The following COL21A1 variants were observed in gnomAD, a reference collection of about 807,000 sequenced individuals.
COL21A1 encodes the protein collagen type XXI alpha 1 chain, also known as collagen alpha-1(XXI) chain.
COL21A1 carries 149 observed loss-of-function variants against 137.9 expected under a neutral mutation model. That is an observed-to-expected ratio of 1.08 (90% CI 0.95 to 1.24). The LOEUF (loss-of-function observed/expected upper bound fraction) is 1.24, where lower values mean the gene tolerates loss of function less well. Among genes scored for constraint, COL21A1 ranks in the 50% most tolerant of loss-of-function variants. The pLI is 0.00. For synonymous variants in COL21A1, 456 were observed against 391.5 expected, an observed-to-expected ratio of 1.16 and a Z score of -1.95; for missense variants, 1,167 against 1,158.4, an observed-to-expected ratio of 1.01 and a Z score of -0.11.
At chr6:56,247,057 G>A (rs564961227) in intron 1 of COL21A1, among the ~76,000 whole-genome samples, 1 of 152,324 alleles carries the variant, frequency 6.6e-6, no homozygotes, top group East Asian at 1.9e-4. Flanking sequence ...CTTCCAAGAA[G>A]CTAAAAGCTG....
chr6:56,220,599 G>A (rs970814590), intron 1 of COL21A1, among the ~76,000 whole-genome samples: 4 of 152,052 alleles, frequency 2.6e-5, no homozygotes, highest in African/African-American at 4.8e-5. Flanking sequence ...TAACAGAGTC[G>A]GAAGGACACA....
At chr6:56,111,995 TAAAA>T (rs760706601) in intron 16 of COL21A1, among the ~76,000 whole-genome samples, 1 of 146,738 alleles carries the variant, frequency 6.8e-6, no homozygotes, top group African/African-American at 2.5e-5. Flanking sequence ...TTATGATTTC[TAAAA>T]AAAAAAAATT....
chr6:56,328,765 A>G (rs76459367), intron 1 of COL21A1, among the ~76,000 whole-genome samples: 4 of 152,210 alleles, frequency 2.6e-5, no homozygotes, highest in Admixed American at 2.0e-4. Flanking sequence ...CTTAAAATAT[A>G]TAACAGAAAA....
chr6:56,182,400 A>G (rs1777968960), intron 2 of COL21A1, 131 bp downstream of exon 2: 3 of 632,050 alleles, frequency 4.7e-6, no homozygotes, highest in Admixed American at 5.7e-5. Context: ...ATAGCAATTC[A>G]TTTATTTTAG....
chr6:56,327,797 T>C (rs1305259635), intron 1 of COL21A1, among the ~76,000 whole-genome samples: 1 of 152,008 alleles, frequency 6.6e-6, no homozygotes, highest in Non-Finnish European at 1.5e-5. Flanking sequence ...AAAATGTAGA[T>C]GGAAATTATC....
intron 10 of COL21A1, among the ~76,000 whole-genome samples, chr6:56,145,436 G>A (rs910747617): frequency 1.3e-5 from 2 of 151,854 alleles, no homozygotes. Flanking sequence ...GGAATCCTAG[G>A]GCAAAACACC....
chr6:56,392,884 GAGA>G (rs1486136304), intron 1 of COL21A1, among the ~76,000 whole-genome samples: 1 of 152,070 alleles, frequency 6.6e-6, no homozygotes, highest in African/African-American at 2.4e-5. Context: ...CATGTTCATA[GAGA>G]AGAAGAATCA....
chr6:56,142,635 T>C (rs1774501329), intron 10 of COL21A1, among the ~76,000 whole-genome samples: 1 of 152,346 alleles, frequency 6.6e-6, no homozygotes, highest in South Asian at 2.1e-4. Flanking sequence ...AGAGTTGAAC[T>C]ATTTATTGTT....
At chr6:56,365,942 A>G (rs1279170953) in intron 1 of COL21A1, among the ~76,000 whole-genome samples, 1 of 152,258 alleles carries the variant, frequency 6.6e-6, no homozygotes, top group Non-Finnish European at 1.5e-5. Context: ...TCCCTAAAAA[A>G]GAATAAAAAG....
intron 12 of COL21A1, among the ~76,000 whole-genome samples, chr6:56,128,809 C>T (rs1473590515): frequency 1.3e-5 from 2 of 152,148 alleles, no homozygotes; most frequent in Non-Finnish European, 2.9e-5. Context: ...TACCCACCAC[C>T]ATGCCTGGCT....
chr6:56,145,683 A>G (rs1774774321), intron 10 of COL21A1, among the ~76,000 whole-genome samples: 3 of 151,918 alleles, frequency 2.0e-5, no homozygotes, highest in Admixed American at 2.0e-4. Context: ...TTCATGTCTC[A>G]TTTTAGAACT....
At chr6:56,357,488 G>A (rs1156976610) in intron 1 of COL21A1, among the ~76,000 whole-genome samples, 2 of 152,152 alleles carry the variant, frequency 1.3e-5, no homozygotes, top group Non-Finnish European at 2.9e-5. Flanking sequence ...GTGAAAGTAC[G>A]CATAAAATGT....
At chr6:56,207,290 C>G (rs1429428580) in intron 1 of COL21A1, among the ~76,000 whole-genome samples, 1 of 151,516 alleles carries the variant, frequency 6.6e-6, no homozygotes, top group East Asian at 1.9e-4. Context: ...GACAGCTAAC[C>G]AGACTAATAA....
chr6:56,127,940 C>A (rs1773181676), intron 12 of COL21A1, among the ~76,000 whole-genome samples: 1 of 152,070 alleles, frequency 6.6e-6, no homozygotes, highest in Admixed American at 6.5e-5. Context: ...AGAACTCATG[C>A]CCATAAACGT....
At chr6:56,328,928 G>A (rs1200496425) in intron 1 of COL21A1, among the ~76,000 whole-genome samples, 1 of 152,020 alleles carries the variant, frequency 6.6e-6, no homozygotes, top group African/African-American at 2.4e-5. Context: ...AGGCTCCTGC[G>A]TCATCTGGAC....
intron 1 of COL21A1, among the ~76,000 whole-genome samples, chr6:56,340,242 T>G (rs1765435944): frequency 6.6e-6 from 1 of 152,226 alleles, no homozygotes; most frequent in African/African-American, 2.4e-5. Context: ...GTTTCCTCCA[T>G]TCCATTCTCA....
chr6:56,364,242 C>T (rs1766046474), intron 1 of COL21A1, among the ~76,000 whole-genome samples: 1 of 151,890 alleles, frequency 6.6e-6, no homozygotes. Flanking sequence ...CTAATGGATC[C>T]TGGCAGAAGT....
chr6:56,360,935 A>G (rs1765951585), intron 1 of COL21A1, among the ~76,000 whole-genome samples: 1 of 152,158 alleles, frequency 6.6e-6, no homozygotes, highest in South Asian at 2.1e-4. Context: ...CTCCGTCTCT[A>G]CTAAAAATAC....
intron 1 of COL21A1, among the ~76,000 whole-genome samples, chr6:56,255,124 T>C (rs1053580326): frequency 5.3e-5 from 8 of 152,218 alleles, no homozygotes; most frequent in African/African-American, 1.9e-4. Context: ...GATGAAATGA[T>C]GTCTATGGCT....
Sources: gnomAD v4.1 joint callset for allele counts (sites outside exome capture counted in the v4.1 genomes callset) on GRCh38, gnomAD v4.1.1 for gene constraint, MANE v1.5 for transcripts, NCBI Gene and HGNC (gene_info 2026-07-23, HGNC 2026-07-21) for gene names.